Variants in FDX1 observed in about 807,000 individuals in gnomAD.
The protein encoded by FDX1 is adrenodoxin, mitochondrial.
A neutral mutation model predicts 14.9 loss-of-function variants in FDX1; 9 were observed. The ratio of observed to expected loss-of-function variants is 0.60; its 90% CI spans 0.36 to 1.05. The LOEUF (loss-of-function observed/expected upper bound fraction) is 1.05. FDX1 is among the 50% of genes least tolerant of loss of function. The probability of loss-of-function intolerance (pLI) is 0.01; values close to 1 mark genes in which losing one functional copy is unlikely to be tolerated. For missense variants in FDX1, 204 were observed against 237.2 expected, an observed-to-expected ratio of 0.86 and a Z score of 0.92; for synonymous variants, 92 against 99.4, an observed-to-expected ratio of 0.93 and a Z score of 0.44.
chr11:110,437,278 G>A (rs903306796), intron 2 of FDX1, among the ~76,000 whole-genome samples: 3 of 152,182 alleles, frequency 2.0e-5, no homozygotes, highest in African/African-American at 7.2e-5. Context: ...ACAGGCGTGA[G>A]CCACCATGCC....
intron 1 of FDX1, among the ~76,000 whole-genome samples, chr11:110,431,222 G>T (rs150580027): frequency 1.9e-3 from 284 of 152,272 alleles, no homozygotes; most frequent in African/African-American, 6.3e-3. Context: ...TGAAGTTTTA[G>T]GTTCTTGGGC....
At chr11:110,442,477 C>A (rs1445417990) in intron 2 of FDX1, among the ~76,000 whole-genome samples, 1 of 152,222 alleles carries the variant, frequency 6.6e-6, no homozygotes, top group Non-Finnish European at 1.5e-5. Flanking sequence ...GGATGTGAGA[C>A]ATGTAGTCAA....
At chr11:110,459,291 TC>T (rs1946542353) in intron 3 of FDX1, among the ~76,000 whole-genome samples, 1 of 152,220 alleles carries the variant, frequency 6.6e-6, no homozygotes, top group East Asian at 1.9e-4. Context: ...TGTGAAGCTC[TC>T]AGAACAGTGC....
intron 2 of FDX1, among the ~76,000 whole-genome samples, chr11:110,451,322 T>C (rs1371524314): frequency 6.6e-6 from 1 of 152,218 alleles, no homozygotes; most frequent in Non-Finnish European, 1.5e-5. Flanking sequence ...TGGGATAAAA[T>C]GCATTGCACC....
At chr11:110,457,589 T>A (rs1946530280) in intron 3 of FDX1, among the ~76,000 whole-genome samples, 1 of 152,126 alleles carries the variant, frequency 6.6e-6, no homozygotes, top group Non-Finnish European at 1.5e-5. Flanking sequence ...TCTTATTTTT[T>A]AAAAAAATTA....
intron 2 of FDX1, among the ~76,000 whole-genome samples, chr11:110,445,456 A>G (rs1415638316): frequency 1.3e-5 from 2 of 152,204 alleles, no homozygotes; most frequent in Non-Finnish European, 1.5e-5. Flanking sequence ...AAATCAATTT[A>G]GTCACTCCCA....
At chr11:110,452,859 A>G (rs960605046) in intron 2 of FDX1, among the ~76,000 whole-genome samples, 1 of 152,240 alleles carries the variant, frequency 6.6e-6, no homozygotes, top group African/African-American at 2.4e-5. Flanking sequence ...TTCTATTTAT[A>G]TGAACATTCT....
chr11:110,434,674 CTT>C (rs1397873288), intron 1 of FDX1, among the ~76,000 whole-genome samples: 1 of 140,548 alleles, frequency 7.1e-6, no homozygotes, highest in African/African-American at 2.6e-5. Flanking sequence ...CTGGTCTAGT[CTT>C]TTATGGACAC....
intron 2 of FDX1, among the ~76,000 whole-genome samples, chr11:110,443,687 G>T (rs111507256): frequency 6.6e-6 from 1 of 151,918 alleles, no homozygotes; most frequent in African/African-American, 2.4e-5. Context: ...CAAGTGATCC[G>T]CCTGCCTTGG....
chr11:110,458,082 A>G (rs933201250), intron 3 of FDX1, among the ~76,000 whole-genome samples: 1 of 152,174 alleles, frequency 6.6e-6, no homozygotes, highest in African/African-American at 2.4e-5. Flanking sequence ...ACTAAATCCA[A>G]TGACTGTATT....
Position 110,430,175 on chromosome 11 carries a change from G to C in FDX1, c.55G>C (p.Gly19Arg). 2.4e-6 allele frequency: 3 copies of C among 1,232,704 alleles called. No homozygotes were observed. Among genetic ancestry groups the C allele is most frequent in the East Asian group, 3.3e-5 (1 of 30,236 alleles). The allele number at this position is 1,232,704 out of a possible 1,614,324, so 76.4% of individuals were successfully genotyped here. Residue 19 changes from glycine to arginine, a missense_variant, in exon 1 of 4, where the codon GGC becomes CGC. Physicochemically the swap from Gly to Arg is moderately radical, Grantham distance 125. Coordinates refer to ENST00000260270, the MANE Select transcript of FDX1 (RefSeq NM_004109.5). ...GCGCGCCGCTTCTGCTGTCCTCGGC[G>C]GCCCGGCCGGCCGGTGGCTGCACCA... Reference protein sequence around the residue: ...LLRAASAVLGGPAGRWLHHAG... With the variant: ...LLRAASAVLGRPAGRWLHHAG...
intron 2 of FDX1, among the ~76,000 whole-genome samples, chr11:110,438,045 G>A (rs531502420): frequency 6.6e-6 from 1 of 152,314 alleles, no homozygotes; most frequent in African/African-American, 2.4e-5. Context: ...CAGGCACCCA[G>A]ACTGATTCCA....
rs143766763 is a variant in FDX1, at chr11:110,457,174, T to A, written c.440+127T>A. 1,363 of 769,564 alleles carry A rather than the reference T, an allele frequency of 1.8e-3. 11 individuals carry two copies. In the African/African-American group the frequency reaches 0.022, roughly 12 times the overall value. The allele number at this position is 769,564 out of a possible 1,614,324, so 47.7% of individuals were successfully genotyped here. On this transcript the variant is annotated intron_variant, in intron 3 of 3. Transcript: ENST00000260270. ...TACCAGGTTAAATAACAGTCACAGA[T>A]TTTGAGTATCAGATATGTGGCATTT...
chr11:110,435,602 T>C (rs79237613), intron 1 of FDX1, among the ~76,000 whole-genome samples: 3,211 of 151,898 alleles, frequency 0.021, 110 homozygotes, highest in African/African-American at 0.07. Context: ...AATCTCAGAG[T>C]TTTAGGAGGC....
intron 1 of FDX1, 86 bp downstream of exon 1, chr11:110,430,391 C>A: frequency 1.1e-6 from 1 of 938,774 alleles, no homozygotes; most frequent in Non-Finnish European, 1.4e-6. Flanking sequence ...GTCTCTGGTT[C>A]CAGTGCCTTC....
intron 2 of FDX1, among the ~76,000 whole-genome samples, chr11:110,452,930 G>A (rs1264482581): frequency 1.3e-5 from 2 of 152,198 alleles, no homozygotes; most frequent in Non-Finnish European, 2.9e-5. Context: ...TTAGGGATGA[G>A]GTAGACTGTG....
rs1490861234 is a variant in FDX1 at position 110,449,915 on chromosome 11, A to C, written c.311-7003A>C. On this transcript the variant is annotated intron_variant, in intron 2 of 3. Transcript: ENST00000260270. ...AGTACTGGGATTACAGGCATGAGCC[A>C]CTGTGCTCGGCCTGTGCTAGAGATC... 3.3e-5 allele frequency among the ~76,000 whole-genome samples: 5 copies of C among 152,224 alleles called. No individual in the cohort carries two copies. The East Asian group carries it at 9.6e-4, about 29-fold the overall frequency.
At chr11:110,448,612 C>T (rs1946467663) in intron 2 of FDX1, among the ~76,000 whole-genome samples, 1 of 152,182 alleles carries the variant, frequency 6.6e-6, no homozygotes, top group African/African-American at 2.4e-5. Context: ...ACAGCTACAA[C>T]TTCTGAGGAT....
At chr11:110,449,153 G>A (rs567363113) in intron 2 of FDX1, among the ~76,000 whole-genome samples, 1 of 152,308 alleles carries the variant, frequency 6.6e-6, no homozygotes, top group African/African-American at 2.4e-5. Context: ...TAGGAAGAAA[G>A]CCAAAAACCT....
Sources: allele counts gnomAD v4.1 joint callset (sites outside exome capture counted in the v4.1 genomes callset), GRCh38; gene constraint gnomAD v4.1.1; transcripts MANE v1.5; gene names NCBI Gene and HGNC (gene_info 2026-07-23, HGNC 2026-07-21).